SLC9B2: variants seen among roughly 807,000 people sequenced by gnomAD.
The protein encoded by SLC9B2 is solute carrier family 9 member B2, also known as sodium/hydrogen exchanger 9B2.
In SLC9B2, 39 loss-of-function variants were observed where a neutral mutation model predicts 52.2. That is an observed-to-expected ratio of 0.75 (90% CI 0.58 to 0.98). The LOEUF is 0.98. Among genes scored for constraint, SLC9B2 ranks in the 50% least tolerant of loss-of-function variants. The pLI, the probability that SLC9B2 is intolerant of heterozygous loss-of-function variation, is 0.00. For missense variants in SLC9B2, 626 were observed against 637.5 expected, an observed-to-expected ratio of 0.98 and a Z score of 0.19; for synonymous variants, 214 against 227.0, an observed-to-expected ratio of 0.94 and a Z score of 0.51.
At position 103,043,276 on chromosome 4, in the gene SLC9B2, A is replaced by T; in HGVS notation, c.1146+20T>A. The T allele has an allele frequency of 6.3e-7, 1 of 1,590,388 alleles. No homozygotes were observed. The highest frequency in any genetic ancestry group is 8.5e-7 in the Non-Finnish European group (1 of 1,172,156). On this transcript the variant is annotated intron_variant, in intron 9 of 11. Coordinates refer to ENST00000394785, the MANE Select transcript of SLC9B2 (RefSeq NM_178833.7). ...CATTAGAAAAGAGTCATGAGCAGAA[A>T]AACTTAAAATGAAATTCACCTTTTC...
intron 6 of SLC9B2, 78 bp downstream of exon 6, chr4:103,048,815 A>G (rs1458064550): frequency 6.7e-7 from 1 of 1,485,414 alleles, no homozygotes; most frequent in Non-Finnish European, 9.1e-7. Flanking sequence ...AAATTCTATT[A>G]TGCATTCTCT....
In SLC9B2 at chr4:103,024,043, C is replaced by T. The variant is rs1741996890; in HGVS notation, c.*2327G>A. Among the ~76,000 whole-genome samples, 2 of 152,182 alleles carry T rather than the reference C, an allele frequency of 1.3e-5. No homozygotes were observed. Among genetic ancestry groups the T allele is most frequent in the South Asian group, 2.1e-4 (1 of 4,832 alleles). ...CTTTCTCTGGGAAGCTGTGCCTAAA[C>T]TCCACCACCCTTGGATTGATTGAGT... On this transcript the variant is annotated 3_prime_UTR_variant, in exon 12 of 12. Coordinates refer to ENST00000394785, the MANE Select transcript of SLC9B2 (RefSeq NM_178833.7).
At chr4:103,043,538 A>T (rs545477920) in intron 8 of SLC9B2, 93 bp from the exon 9 acceptor site, 1 of 1,189,290 alleles carries the variant, frequency 8.4e-7, no homozygotes, top group African/African-American at 1.5e-5. Flanking sequence ...GAAAGAAAAT[A>T]AAAATTAAAA....
intron 4 of SLC9B2, among the ~76,000 whole-genome samples, chr4:103,050,777 T>C (rs987606400): frequency 1.7e-4 from 26 of 152,350 alleles, no homozygotes; most frequent in African/African-American, 6.0e-4. Context: ...TAAATACTTA[T>C]ATGGATTCTA....
At chr4:103,077,177 A>G (rs1240536528), upstream of SLC9B2, 1 of 152,074 alleles carries the variant, frequency 6.6e-6, no homozygotes, top group African/African-American at 2.4e-5. Context: ...GCAAGTGCCA[A>G]TCTTAATCAC....
intron 10 of SLC9B2, among the ~76,000 whole-genome samples, chr4:103,029,433 T>C (rs1258768613): frequency 6.6e-6 from 1 of 152,104 alleles, no homozygotes; most frequent in Non-Finnish European, 1.5e-5. Flanking sequence ...CCAGAAGTGA[T>C]AGCTAAAATA....
At chr4:103,046,487 A>G (rs72939317) in intron 7 of SLC9B2, among the ~76,000 whole-genome samples, 1,881 of 152,308 alleles carry the variant, frequency 0.012, 38 homozygotes, top group African/African-American at 0.042. Flanking sequence ...CCTCAATTTC[A>G]GACACTTACT....
chr4:103,044,784 C>G (rs568013230), intron 8 of SLC9B2, 106 bp downstream of exon 8: 11 of 884,124 alleles, frequency 1.2e-5, no homozygotes, highest in Admixed American at 6.4e-5. Context: ...AATGAGGAAC[C>G]ATTTGCTCAA....
At chr4:103,069,374 A>G (rs554633608) in intron 1 of SLC9B2, among the ~76,000 whole-genome samples, 1 of 152,250 alleles carries the variant, frequency 6.6e-6, no homozygotes, top group African/African-American at 2.4e-5. Context: ...GTAACTGACA[A>G]GATGGGCTGG....
Position 103,026,162 on chromosome 4 carries a change from T to G in SLC9B2, c.*208A>C, listed in dbSNP as rs996911109. On this transcript the variant is annotated 3_prime_UTR_variant, in exon 12 of 12. Coordinates refer to ENST00000394785, the MANE Select transcript of SLC9B2 (RefSeq NM_178833.7). The stretch of plus-strand genomic sequence containing the variant: ...ATTAAGATGGATGATGAAGGGGTGT[T>G]TGAAAAAAAAGGCAGAGAGATTAAG... 4.1e-6 allele frequency: 2 copies of G among 490,026 alleles called. No individual in the cohort carries two copies. The highest frequency in any genetic ancestry group is 1.9e-5 in the African/African-American group (1 of 51,736). The allele number at this position is 490,026 out of a possible 1,614,324, so 30.4% of individuals were successfully genotyped here.
rs190515231 is a variant in SLC9B2 at position 103,028,329 on chromosome 4, T to A, written c.1392+418A>T. Among the ~76,000 whole-genome samples, 6 of 152,256 alleles carry A rather than the reference T, an allele frequency of 3.9e-5. No homozygotes were observed. In the East Asian group the frequency reaches 7.7e-4, roughly 20 times the overall value. On this transcript the variant is annotated intron_variant, in intron 11 of 11. Transcript: ENST00000394785. The stretch of plus-strand genomic sequence containing the variant: ...GACTCTGGTCAAGCTCAACTGATCA[T>A]CAATCATATTAACATTAAAATATCT...
intron 1 of SLC9B2, among the ~76,000 whole-genome samples, chr4:103,070,723 G>A (rs1202531782): frequency 6.6e-6 from 1 of 152,216 alleles, no homozygotes; most frequent in Non-Finnish European, 1.5e-5. Flanking sequence ...TTACAGGCAT[G>A]AGCCACCATG....
intron 6 of SLC9B2, chr4:103,048,667 C>T (rs536551537): frequency 1.6e-5 from 7 of 442,726 alleles, no homozygotes; most frequent in Non-Finnish European, 2.4e-5. Context: ...AGGCAAAAGA[C>T]CACGACTTCT....
At chr4:103,051,959 A>G (rs1652006088) in intron 4 of SLC9B2, among the ~76,000 whole-genome samples, 1 of 152,244 alleles carries the variant, frequency 6.6e-6, no homozygotes, top group African/African-American at 2.4e-5. Context: ...CACTAATAAT[A>G]GATTTTAAGA....
rs566593349 is a variant in SLC9B2, at chr4:103,039,776, A to T, written c.1146+3520T>A. Among the ~76,000 whole-genome samples the T allele has an allele frequency of 2.0e-5, 3 of 151,120 alleles. No individual in the cohort carries two copies. The Admixed American group carries it at 2.0e-4, about 10-fold the overall frequency. ...AATTCTCTGCCTCAGCCTCCCGAGT[A>T]GCTGGGACTATAGGCGCATACCACC... On this transcript the variant is annotated intron_variant, in intron 9 of 11. Transcript: ENST00000394785.
In SLC9B2 at chr4:103,066,386, C is replaced by A. The variant is rs748151631; in HGVS notation, c.212G>T (p.Arg71Ile). The change falls in exon 3 of 12, where the codon AGA (arginine) becomes ATA (isoleucine). Residue 71 changes from arginine to isoleucine, a missense_variant. Physicochemically the swap from Arg to Ile is moderately conservative, Grantham distance 97. Coordinates refer to ENST00000394785, the MANE Select transcript of SLC9B2 (RefSeq NM_178833.7). Reference protein sequence around the residue: ...ETPTEANHVQRLRQMLACPPH... With the variant: ...ETPTEANHVQILRQMLACPPH... The stretch of plus-strand genomic sequence containing the variant: ...AGGGCAAGCCAGCATTTGTCTCAGT[C>A]TTTGTACGTGATTTGCTTCAGTTGG... 3.1e-6 allele frequency: 5 copies of A among 1,613,964 alleles called. No homozygotes were observed. The African/African-American group carries it at 6.7e-5, about 22-fold the overall frequency.
chr4:103,059,277 T>C (rs1442247859), intron 3 of SLC9B2, among the ~76,000 whole-genome samples: 1 of 152,200 alleles, frequency 6.6e-6, no homozygotes, highest in Non-Finnish European at 1.5e-5. Flanking sequence ...GTCTGTTCTT[T>C]ACAGACTTAA....
intron 4 of SLC9B2, among the ~76,000 whole-genome samples, chr4:103,054,464 G>C (rs939821045): frequency 6.6e-5 from 10 of 152,176 alleles, no homozygotes; most frequent in African/African-American, 2.4e-4. Context: ...AATGAATTTT[G>C]AGAGTCACTA....
intron 9 of SLC9B2, among the ~76,000 whole-genome samples, chr4:103,032,063 T>C (rs1300508953): frequency 1.3e-5 from 2 of 152,136 alleles, no homozygotes; most frequent in Non-Finnish European, 2.9e-5. Flanking sequence ...TCTTATAAAG[T>C]AATCTTATGA....
Sources: gnomAD v4.1 joint callset for allele counts (sites outside exome capture counted in the v4.1 genomes callset) on GRCh38, gnomAD v4.1.1 for gene constraint, MANE v1.5 for transcripts, NCBI Gene and HGNC (gene_info 2026-07-23, HGNC 2026-07-21) for gene names.